The following PKNOX2 variants were observed in gnomAD, a reference collection of about 807,000 sequenced individuals.
The protein encoded by PKNOX2 is PBX/knotted 1 homeobox 2.
PKNOX2 carries 14 observed loss-of-function variants against 53.1 expected under a neutral mutation model. The observed-to-expected ratio is 0.26, with a 90% confidence interval of 0.17 to 0.41. The LOEUF is 0.41. PKNOX2 is among the 10% of genes least tolerant of loss of function. The pLI is 1.00. For synonymous variants in PKNOX2, 257 were observed against 242.8 expected (o/e 1.06, Z -0.54); for missense variants, 496 against 602.8 (o/e 0.82, Z 1.85).
At chr11:125,298,048 A>G (rs185179565) in intron 2 of PKNOX2, among the ~76,000 whole-genome samples, 5 of 152,340 alleles carry the variant, frequency 3.3e-5, no homozygotes, top group African/African-American at 1.2e-4. Context: ...AGAGGAAAAG[A>G]GGACTTTCAG....
At chr11:125,288,524 G>A (rs950394360) in intron 2 of PKNOX2, among the ~76,000 whole-genome samples, 17 of 152,214 alleles carry the variant, frequency 1.1e-4, no homozygotes, top group African/African-American at 3.1e-4. Flanking sequence ...TCTCCCACAC[G>A]TTCTTTCAAG....
At chr11:125,180,003 T>C (rs1956061960) in intron 1 of PKNOX2, among the ~76,000 whole-genome samples, 1 of 152,202 alleles carries the variant, frequency 6.6e-6, no homozygotes, top group Non-Finnish European at 1.5e-5. Context: ...ATTCATGTCC[T>C]GTCACTGTCC....
chr11:125,185,099 C>T (rs1283826892), intron 1 of PKNOX2, among the ~76,000 whole-genome samples: 1 of 152,238 alleles, frequency 6.6e-6, no homozygotes, highest in East Asian at 1.9e-4. Context: ...TCCAGCACCT[C>T]TGCAGAAAGC....
intron 2 of PKNOX2, among the ~76,000 whole-genome samples, chr11:125,323,088 A>G (rs1297497152): frequency 2.6e-5 from 4 of 152,102 alleles, no homozygotes; most frequent in African/African-American, 9.7e-5. Flanking sequence ...ACTGAGGCCC[A>G]GAGCAGTGAC....
intron 2 of PKNOX2, among the ~76,000 whole-genome samples, chr11:125,266,452 A>G (rs1267384355): frequency 1.3e-5 from 2 of 152,162 alleles, no homozygotes; most frequent in Non-Finnish European, 2.9e-5. Context: ...TGCCTGCGAG[A>G]CAGAGGCTGG....
intron 12 of PKNOX2, among the ~76,000 whole-genome samples, chr11:125,430,758 G>GAAAA (rs34263921): frequency 1.3e-5 from 2 of 149,516 alleles, no homozygotes; most frequent in African/African-American, 4.9e-5. Flanking sequence ...GTTATGATGG[G>GAAAA]AAAAAAAAAA....
chr11:125,374,426 A>G (rs892353551), intron 5 of PKNOX2, among the ~76,000 whole-genome samples: 3 of 152,176 alleles, frequency 2.0e-5, no homozygotes, highest in Non-Finnish European at 4.4e-5. Context: ...CTGAGGTAAC[A>G]TCTCAGCTGC....
intron 2 of PKNOX2, among the ~76,000 whole-genome samples, chr11:125,301,993 C>T (rs374582597): frequency 8.5e-5 from 13 of 152,210 alleles, no homozygotes; most frequent in South Asian, 2.1e-4. Flanking sequence ...GCGAGAGCAT[C>T]GCTGCAAGGA....
At chr11:125,306,173 G>C (rs974287033) in intron 2 of PKNOX2, among the ~76,000 whole-genome samples, 2 of 151,946 alleles carry the variant, frequency 1.3e-5, no homozygotes, top group African/African-American at 2.4e-5. Flanking sequence ...CCCGCCACTG[G>C]CACTGAATAC....
At chr11:125,398,748 C>T (rs371357537) in intron 7 of PKNOX2, among the ~76,000 whole-genome samples, 12 of 152,326 alleles carry the variant, frequency 7.9e-5, no homozygotes, top group African/African-American at 2.6e-4. Context: ...ACCTACAAAC[C>T]GAGAAAGCTG....
In PKNOX2 at chr11:125,370,567, C is replaced by T. The variant is rs565021427; in HGVS notation, c.227+2582C>T. The stretch of plus-strand genomic sequence containing the variant: ...CCTGGAAGAGGGAATCCCAGGCAAA[C>T]GCGGCTGCCCCAGCACCTCAGGACA... On this transcript the variant is annotated intron_variant, in intron 5 of 12. Coordinates refer to ENST00000298282, the MANE Select transcript of PKNOX2 (RefSeq NM_001382323.2). This position sits in a 1 kb window ranked among gnomAD's most constrained non-coding sequence, Gnocchi z 4.1. Among the ~76,000 whole-genome samples, 81 of 152,236 alleles carry T rather than the reference C, an allele frequency of 5.3e-4. No homozygotes were observed. Among genetic ancestry groups the T allele is most frequent in the Admixed American group, 8.5e-4 (13 of 15,290 alleles).
intron 5 of PKNOX2, among the ~76,000 whole-genome samples, chr11:125,381,048 G>A (rs903896584): frequency 1.1e-4 from 16 of 152,214 alleles, no homozygotes; most frequent in African/African-American, 3.6e-4. Flanking sequence ...CGGAGTCGCT[G>A]AGAAATGGAG....
At chr11:125,317,392 C>G (rs889826500) in intron 2 of PKNOX2, among the ~76,000 whole-genome samples, 5 of 152,186 alleles carry the variant, frequency 3.3e-5, no homozygotes, top group African/African-American at 1.2e-4. Context: ...TCAGATCCAC[C>G]AGAGGAATTG....
At chr11:125,427,117 C>T (rs578103588) in intron 10 of PKNOX2, among the ~76,000 whole-genome samples, 1 of 152,148 alleles carries the variant, frequency 6.6e-6, no homozygotes, top group Non-Finnish European at 1.5e-5. Flanking sequence ...GGCTCTTTCC[C>T]ACAAATAGGG....
At chr11:125,228,164 G>A (rs191046880) in intron 1 of PKNOX2, among the ~76,000 whole-genome samples, 7 of 152,332 alleles carry the variant, frequency 4.6e-5, no homozygotes, top group Non-Finnish European at 5.9e-5. Flanking sequence ...AACCTTCCAC[G>A]ATGACAGAAA....
intron 1 of PKNOX2, among the ~76,000 whole-genome samples, chr11:125,169,242 C>T (rs757169667): frequency 1.3e-5 from 2 of 152,186 alleles, no homozygotes; most frequent in Admixed American, 6.5e-5. Flanking sequence ...TCATCATGAA[C>T]CACCGTTAGC....
Position 125,172,754 on chromosome 11 carries a change from C to A in PKNOX2, c.-201+7978C>A, listed in dbSNP as rs1425784350. ...CAATCATTAAAACCACCGCCACCGC[C>A]ACAAATCCGAGCAAAGAATCATGAT... On this transcript the variant is annotated intron_variant, in intron 1 of 12. Coordinates refer to ENST00000298282, the MANE Select transcript of PKNOX2 (RefSeq NM_001382323.2). Among the ~76,000 whole-genome samples, 4 of 152,302 alleles carry A rather than the reference C, an allele frequency of 2.6e-5. No homozygotes were observed. The East Asian group carries it at 7.7e-4, about 29-fold the overall frequency.
intron 5 of PKNOX2, among the ~76,000 whole-genome samples, chr11:125,373,252 A>G (rs1261360023): frequency 6.6e-6 from 1 of 152,256 alleles, no homozygotes; most frequent in Non-Finnish European, 1.5e-5. Context: ...CTAGAATACA[A>G]TAAGATAATA....
At chr11:125,418,295 G>A (rs1955995305) in intron 10 of PKNOX2, among the ~76,000 whole-genome samples, 1 of 152,048 alleles carries the variant, frequency 6.6e-6, no homozygotes, top group Admixed American at 6.5e-5. Context: ...CCACGTTGTG[G>A]TTGAAGCATA....
Sources: gnomAD v4.1 joint callset for allele counts (sites outside exome capture counted in the v4.1 genomes callset) on GRCh38, gnomAD v4.1.1 for gene constraint, Gnocchi (gnomAD v3.1) non-coding constraint, MANE v1.5 for transcripts, NCBI Gene and HGNC (gene_info 2026-07-23, HGNC 2026-07-21) for gene names.